Variants in SLAMF1 observed in about 807,000 individuals in gnomAD.
The protein encoded by SLAMF1 is signaling lymphocytic activation molecule.
A neutral mutation model predicts 35.1 loss-of-function variants in SLAMF1; 18 were observed. The observed-to-expected ratio is 0.51, with a 90% CI of 0.35 to 0.76. The LOEUF (loss-of-function observed/expected upper bound fraction) is 0.76. SLAMF1 is among the 30% of genes least tolerant of loss of function. The pLI is 0.01. For synonymous variants in SLAMF1, 168 were observed against 157.2 expected (o/e 1.07, Z -0.51); for missense variants, 392 against 413.0 (o/e 0.95, Z 0.44).
At chr1:160,631,289 G>T (rs1035885846) in intron 3 of SLAMF1, among the ~76,000 whole-genome samples, 1 of 152,246 alleles carries the variant, frequency 6.6e-6, no homozygotes, top group Non-Finnish European at 1.5e-5. Context: ...TGGTTCTGAG[G>T]CAGGGAAGGT....
rs375448984 is a variant in SLAMF1, at chr1:160,637,261, C to T, written c.345G>A (p.Glu115=). Residue 115 remains glutamate, a synonymous_variant, in exon 2 of 7, where the codon GAG becomes GAA. Transcript: ENST00000302035. ...LGIRESRKED[E]GWYLMTLEKN... ...TCTCCAGGGTCATAAGGTACCATCC[C>T]TCATCCTCCTTCCTGCTTTCCCGTA... 53 of 1,613,986 alleles carry T rather than the reference C, an allele frequency of 3.3e-5. No individual in the cohort carries two copies. The highest frequency in any genetic ancestry group is 4.3e-5 in the Non-Finnish European group (51 of 1,180,018).
chr1:160,636,863 AT>A (rs1660478543), intron 2 of SLAMF1: 1 of 293,684 alleles, frequency 3.4e-6, no homozygotes, highest in Admixed American at 4.8e-5. Context: ...TCAGAAAAAA[AT>A]CCTATTTTCA....
At chr1:160,631,008 TC>T (rs759513280) in intron 3 of SLAMF1, among the ~76,000 whole-genome samples, 5 of 152,210 alleles carry the variant, frequency 3.3e-5, no homozygotes, top group South Asian at 2.1e-4. Context: ...CCATTTTACA[TC>T]CGTCACACTG....
At chr1:160,634,037 C>T (rs1660299076) in intron 3 of SLAMF1, among the ~76,000 whole-genome samples, 1 of 152,240 alleles carries the variant, frequency 6.6e-6, no homozygotes, top group Non-Finnish European at 1.5e-5. Flanking sequence ...GTCTTAGTCT[C>T]TCGTTCTGAC....
intron 2 of SLAMF1, among the ~76,000 whole-genome samples, chr1:160,635,825 C>T (rs553913719): frequency 3.3e-5 from 5 of 152,054 alleles, no homozygotes; most frequent in East Asian, 3.9e-4. Context: ...GTGATCCGCC[C>T]GCCTCGGCCT....
intron 1 of SLAMF1, among the ~76,000 whole-genome samples, chr1:160,640,177 A>G (rs1660663604): frequency 6.6e-6 from 1 of 151,690 alleles, no homozygotes; most frequent in Admixed American, 6.6e-5. Flanking sequence ...GAAGAACTTC[A>G]TTTTGTTCAC....
At chr1:160,645,701 C>T (rs373867781) in intron 1 of SLAMF1, among the ~76,000 whole-genome samples, 74 of 152,296 alleles carry the variant, frequency 4.9e-4, no homozygotes, top group East Asian at 1.5e-3. Context: ...TTCTGAGCCC[C>T]GAGCTCAGTT....
At chr1:160,620,901 G>A (rs1346267584) in intron 4 of SLAMF1, among the ~76,000 whole-genome samples, 1 of 152,166 alleles carries the variant, frequency 6.6e-6, no homozygotes, top group African/African-American at 2.4e-5. Context: ...AATTTAAAAA[G>A]CCACATGTGG....
At chr1:160,631,211 A>G (rs1660147900) in intron 3 of SLAMF1, among the ~76,000 whole-genome samples, 1 of 152,206 alleles carries the variant, frequency 6.6e-6, no homozygotes, top group African/African-American at 2.4e-5. Context: ...TACTGATACA[A>G]TTCTGTTTTC....
At chr1:160,633,741 A>C (rs76438000) in intron 3 of SLAMF1, among the ~76,000 whole-genome samples, 2,558 of 152,336 alleles carry the variant, frequency 0.017, 25 homozygotes, top group African/African-American at 0.03. Flanking sequence ...TTACTTAGTA[A>C]GTTCTGTCTT....
chr1:160,609,939 A>C lies in SLAMF1; in HGVS notation c.*809T>G, dbSNP rs957940567. 5.8e-6 allele frequency: 1 copy of C among 172,300 alleles called. No individual in the cohort carries two copies. The highest frequency in any genetic ancestry group is 2.4e-5 in the African/African-American group (1 of 41,540). The allele number at this position is 172,300 out of a possible 1,614,324, so 10.7% of individuals were successfully genotyped here. A position where few individuals can be genotyped will look rare whatever the true frequency, so the allele number is the denominator to read the frequency against. On this transcript the variant is annotated 3_prime_UTR_variant, in exon 7 of 7. Transcript: ENST00000302035. ...TTTAAACATCATTTTGAGAAGTGAA[A>C]AATCACCATGGGACAAGTTCCTCTG... is the stretch of plus-strand genomic sequence containing the variant.
intron 3 of SLAMF1, among the ~76,000 whole-genome samples, chr1:160,627,060 T>C (rs1289567496): frequency 1.3e-5 from 2 of 152,204 alleles, no homozygotes; most frequent in African/African-American, 2.4e-5. Flanking sequence ...ATGCAGACCA[T>C]TTTCAGTGAT....
At chr1:160,637,067 A>G (rs1415790169) in intron 2 of SLAMF1, 124 bp downstream of exon 2, 1 of 673,770 alleles carries the variant, frequency 1.5e-6, no homozygotes, top group South Asian at 1.9e-5. Flanking sequence ...AATACCCCCA[A>G]ACTAGAAGAT....
In SLAMF1 at chr1:160,609,905, G is replaced by A. The variant is rs1658890420; in HGVS notation, c.*843C>T. 1.1e-5 allele frequency: 2 copies of A among 177,516 alleles called. No homozygotes were observed. The highest frequency in any genetic ancestry group is 2.2e-4 in the South Asian group (2 of 8,938). The allele number at this position is 177,516 out of a possible 1,614,324, so 11.0% of individuals were successfully genotyped here. Reference sequence around the variant, plus strand: ...TTTGTTGTTCAAGGGAATCAACAGAGAACTGGGATTTAAACATCATTTTGA... The same window carrying A: ...TTTGTTGTTCAAGGGAATCAACAGAAAACTGGGATTTAAACATCATTTTGA... On this transcript the variant is annotated 3_prime_UTR_variant, in exon 7 of 7. Coordinates refer to ENST00000302035, the MANE Select transcript of SLAMF1 (RefSeq NM_003037.5).
rs1330238597 is a variant in SLAMF1, at chr1:160,609,563, T to C, written c.*1185A>G. 1 of 152,136 alleles carries C rather than the reference T, an allele frequency of 6.6e-6. No homozygotes were observed. Among genetic ancestry groups the C allele is most frequent in the Non-Finnish European group, 1.5e-5 (1 of 68,014 alleles). 9.4% of individuals were successfully genotyped at this position (152,136 alleles called of 1,614,324 possible). ...TCTTACAGTACTTACCAAGTTTATA[T>C]AAGAAACAATAAGAAAAAGCAGGGC... On this transcript the variant is annotated 3_prime_UTR_variant, in exon 7 of 7. Transcript: ENST00000302035.
chr1:160,646,961 A>T lies in SLAMF1; in HGVS notation c.-16T>A. On this transcript the variant is annotated 5_prime_UTR_variant, in exon 1 of 7. Coordinates refer to ENST00000302035, the MANE Select transcript of SLAMF1 (RefSeq NM_003037.5). ...TGGGATCCATCAGCCAATGAGGAGA[A>T]GGAAGGGATCCTGGCCGGAGCCTGG... 1 of 1,479,972 alleles carries T rather than the reference A, an allele frequency of 6.8e-7. No homozygotes were observed. The highest frequency in any genetic ancestry group is 9.4e-7 in the Non-Finnish European group (1 of 1,059,540). 91.7% of individuals were successfully genotyped at this position (1,479,972 alleles called of 1,614,324 possible).
intron 3 of SLAMF1, among the ~76,000 whole-genome samples, chr1:160,627,869 C>G (rs544840627): frequency 2.0e-5 from 3 of 152,242 alleles, no homozygotes; most frequent in Admixed American, 1.3e-4. Context: ...GTAATAATCC[C>G]CATGTGTCAA....
Position 160,610,112 on chromosome 1 carries a change from C to T in SLAMF1, c.*636G>A. ...AAAACTCAGAGATCTCAAAATCATTCTTTCTGTTTATTGACTTTTTAGCTT... is the reference window on the plus strand; with the variant it reads ...AAAACTCAGAGATCTCAAAATCATTTTTTCTGTTTATTGACTTTTTAGCTT... On this transcript the variant is annotated 3_prime_UTR_variant, in exon 7 of 7. Transcript: ENST00000302035. The T allele has an allele frequency of 3.0e-6, 1 of 336,884 alleles. No homozygotes were observed. Among genetic ancestry groups the T allele is most frequent in the Non-Finnish European group, 5.8e-6 (1 of 172,004 alleles). The allele number at this position is 336,884 out of a possible 1,614,324, so 20.9% of individuals were successfully genotyped here. A position where few individuals can be genotyped will look rare whatever the true frequency, so the allele number is the denominator to read the frequency against.
chr1:160,645,715 C>G (rs972335734), intron 1 of SLAMF1, among the ~76,000 whole-genome samples: 2 of 152,166 alleles, frequency 1.3e-5, no homozygotes, highest in African/African-American at 4.8e-5. Flanking sequence ...CTCAGTTCTT[C>G]CTCCCCTAGA....
Sources: gnomAD v4.1 joint callset for allele counts (sites outside exome capture counted in the v4.1 genomes callset) on GRCh38, gnomAD v4.1.1 for gene constraint, MANE v1.5 for transcripts, NCBI Gene and HGNC (gene_info 2026-07-23, HGNC 2026-07-21) for gene names.